The following TIAM2 variants were observed in gnomAD, a reference collection of about 807,000 sequenced individuals.
TIAM2 encodes TIAM Rac1 associated GEF 2, also known as rho guanine nucleotide exchange factor TIAM2.
TIAM2 carries 80 observed loss-of-function variants against 152.9 expected under a neutral mutation model. The observed-to-expected ratio is 0.52, with a 90% CI of 0.44 to 0.63. The LOEUF is 0.63. Among genes scored for constraint, TIAM2 ranks in the 30% least tolerant of loss-of-function variants. The probability of loss-of-function intolerance (pLI) is 0.00; values close to 1 mark genes in which losing one functional copy is unlikely to be tolerated. For missense variants in TIAM2, 1,965 were observed against 2,120.1 expected (o/e 0.93, Z 1.44); for synonymous variants, 804 against 838.0 (o/e 0.96, Z 0.70).
At position 155,254,076 on chromosome 6, in the gene TIAM2, A is replaced by G. The variant is rs759203725; in HGVS notation, c.4313+16A>G. On this transcript the variant is annotated intron_variant, in intron 25 of 26. Coordinates refer to ENST00000682666, the MANE Select transcript of TIAM2 (RefSeq NM_012454.4). The stretch of plus-strand genomic sequence containing the variant: ...TGTGTTGCAGGTATGACTGACTTCC[A>G]AAGATTAAAACCAACAGAAATAACA... 29 of 1,608,702 alleles carry G rather than the reference A, an allele frequency of 1.8e-5. No individual in the cohort carries two copies. Among genetic ancestry groups the G allele is most frequent in the Non-Finnish European group, 1.8e-5 (21 of 1,176,646 alleles).
rs1004519920 is a variant in TIAM2, at chr6:155,176,961, T to A, written c.2507T>A (p.Leu836Ter). 1.1e-5 allele frequency: 18 copies of A among 1,606,886 alleles called. No homozygotes were observed. The highest frequency in any genetic ancestry group is 1.5e-5 in the Non-Finnish European group (18 of 1,177,968). The change falls in exon 10 of 27, where the codon TTG becomes TAG. Residue 836 changes from leucine (L) to a stop codon, truncating the protein, a stop_gained. Coordinates refer to ENST00000682666, the MANE Select transcript of TIAM2 (RefSeq NM_012454.4). LOFTEE classifies it high-confidence loss of function. Reference protein sequence around the residue: ...IKPEHRVEDILTLACKMRQLE... With the variant: ...IKPEHRVEDI The stretch of plus-strand genomic sequence containing the variant: ...CCAGAGCACAGAGTAGAAGATATTT[T>A]GACTTTGGCATGCAAGGTAACGGAT...
chr6:155,113,501 A>G (rs1395127477), intron 2 of TIAM2, among the ~76,000 whole-genome samples: 1 of 152,120 alleles, frequency 6.6e-6, no homozygotes, highest in East Asian at 1.9e-4. Context: ...CCGGCAGATC[A>G]CTTGAGGTCA....
Position 155,129,775 on chromosome 6 carries a change from C to T in TIAM2, c.552C>T (p.Ser184=), listed in dbSNP as rs771685691. 8.1e-6 allele frequency: 13 copies of T among 1,613,774 alleles called. No individual in the cohort carries two copies. The South Asian group carries it at 1.4e-4, about 18-fold the overall frequency. Residue 184 remains serine (S), a synonymous_variant, in exon 4 of 27, where the codon AGC becomes AGT. Transcript: ENST00000682666. This position sits in a 1 kb window ranked among gnomAD's most constrained non-coding sequence, Gnocchi z 4.8. ...AGTTCCACAATGGTGGCAACCCCAG[C>T]AAAGTGCCTGCAGAGGACTGCAGTG... ...RVEFHNGGNP[S]KVPAEDCSEP... is the part of the protein sequence containing the mutation.
intron 1 of TIAM2, among the ~76,000 whole-genome samples, chr6:155,039,133 A>AT (rs1293501050): frequency 6.0e-5 from 9 of 150,574 alleles, no homozygotes; most frequent in East Asian, 2.0e-4. Context: ...GCTAACTTTC[A>AT]TTTTTTTGTG....
chr6:155,025,147 C>T (rs1023011217), intron 1 of TIAM2, among the ~76,000 whole-genome samples: 1 of 150,492 alleles, frequency 6.6e-6, no homozygotes, highest in Non-Finnish European at 1.5e-5. Context: ...CCGCCTCAGT[C>T]TCCTGAGTAG....
At chr6:155,244,560 A>G in intron 17 of TIAM2, 98 bp from the exon 18 acceptor site, 1 of 1,419,910 alleles carries the variant, frequency 7.0e-7, no homozygotes, top group Non-Finnish European at 9.6e-7. Context: ...CTTTTCCGTG[A>G]AGAATTTCCT....
chr6:155,111,081 T>A (rs547382625), intron 2 of TIAM2, among the ~76,000 whole-genome samples: 230 of 152,186 alleles, frequency 1.5e-3, no homozygotes, highest in African/African-American at 5.2e-3. Context: ...AGAATCCATA[T>A]GATTAAAGGC....
chr6:155,171,254 T>A (rs1780580144), intron 9 of TIAM2, among the ~76,000 whole-genome samples: 1 of 152,336 alleles, frequency 6.6e-6, no homozygotes, highest in African/African-American at 2.4e-5. Context: ...CCAGTCTTAC[T>A]TGAACATTTT....
At chr6:155,252,691 C>T (rs916751083) in intron 23 of TIAM2, among the ~76,000 whole-genome samples, 8 of 152,192 alleles carry the variant, frequency 5.3e-5, no homozygotes, top group East Asian at 1.9e-4. Context: ...AGCGTCAGGG[C>T]GTGGAAGCTT....
chr6:155,065,504 G>A (rs542765555), intron 1 of TIAM2, among the ~76,000 whole-genome samples: 11 of 151,840 alleles, frequency 7.2e-5, no homozygotes, highest in Non-Finnish European at 1.6e-4. Context: ...TAGGTCCAGC[G>A]CAGTGGCTCA....
At chr6:155,182,606 A>G (rs1016930992) in intron 13 of TIAM2, among the ~76,000 whole-genome samples, 3 of 152,154 alleles carry the variant, frequency 2.0e-5, no homozygotes, top group Non-Finnish European at 4.4e-5. Context: ...GTAAAAAAGG[A>G]CAGAGAGAGA....
Position 155,129,173 on chromosome 6 carries a change from G to A in TIAM2, c.-6-45G>A, listed in dbSNP as rs1779372219. 2 of 1,552,076 alleles carry A rather than the reference G, an allele frequency of 1.3e-6. No homozygotes were observed. Among genetic ancestry groups the A allele is most frequent in the East Asian group, 2.3e-5 (1 of 44,282 alleles). On this transcript the variant is annotated intron_variant, in intron 3 of 26. Coordinates refer to ENST00000682666, the MANE Select transcript of TIAM2 (RefSeq NM_012454.4). The surrounding 1 kb of genome is among the most constrained non-coding windows in gnomAD (Gnocchi z 4.8). ...TTAGAAAGTTCTGTCATAATGGAATGTAATTTAGGCCACGGTCTTACTGAT... is the reference window on the plus strand; with the variant it reads ...TTAGAAAGTTCTGTCATAATGGAATATAATTTAGGCCACGGTCTTACTGAT...
In TIAM2 at chr6:155,176,947, A is replaced by T; in HGVS notation, c.2493A>T (p.Arg831Ser). 6.2e-7 allele frequency: 1 copy of T among 1,609,766 alleles called. No individual in the cohort carries two copies. Among genetic ancestry groups the T allele is most frequent in the Non-Finnish European group, 8.5e-7 (1 of 1,178,868 alleles). The stretch of plus-strand genomic sequence containing the variant: ...CTGTAGGGATCAAGCCAGAGCACAG[A>T]GTAGAAGATATTTTGACTTTGGCAT... ...GVTVGIKPEH[R>S]VEDILTLACK... Residue 831 changes from arginine to serine, a missense_variant, in exon 10 of 27, where the codon AGA becomes AGT. This residue lies in a region of TIAM2 where 1,025 missense variants were observed against 1,119.4 expected (regional missense o/e 0.92). Transcript: ENST00000682666.
In TIAM2 at chr6:155,127,576, C is replaced by G. The variant is rs1195014983; in HGVS notation, c.-31C>G. On this transcript the variant is annotated 5_prime_UTR_variant, in exon 3 of 27. Transcript: ENST00000682666. ...GTAAAGCCTACTGACCACTAACCTC[C>G]CTCACAGCAGAAACTAGACGTCAGG... 2.2e-6 allele frequency: 1 copy of G among 455,902 alleles called. No homozygotes were observed. Among genetic ancestry groups the G allele is most frequent in the Non-Finnish European group, 4.4e-6 (1 of 226,800 alleles). The allele number at this position is 455,902 out of a possible 1,614,324, so 28.2% of individuals were successfully genotyped here.
chr6:155,208,258 C>G (rs1220904082), intron 14 of TIAM2, among the ~76,000 whole-genome samples: 1 of 152,202 alleles, frequency 6.6e-6, no homozygotes, highest in Non-Finnish European at 1.5e-5. Flanking sequence ...CTAGGTAATG[C>G]ACTTTTACAT....
intron 2 of TIAM2, among the ~76,000 whole-genome samples, chr6:155,113,960 A>T (rs1778925279): frequency 6.9e-6 from 1 of 144,884 alleles, no homozygotes; most frequent in Non-Finnish European, 1.5e-5. Flanking sequence ...GTAAATGCTA[A>T]ATATCGTTGA....
At chr6:155,037,816 C>T (rs1776950945) in intron 1 of TIAM2, among the ~76,000 whole-genome samples, 1 of 152,164 alleles carries the variant, frequency 6.6e-6, no homozygotes, top group Non-Finnish European at 1.5e-5. Flanking sequence ...AGGTGTGAGC[C>T]ACCGCGTCCA....
At chr6:155,193,920 G>T (rs1781269079) in intron 14 of TIAM2, among the ~76,000 whole-genome samples, 1 of 152,206 alleles carries the variant, frequency 6.6e-6, no homozygotes, top group Non-Finnish European at 1.5e-5. Flanking sequence ...AGAGCAAAAG[G>T]CAAATGACAT....
Position 155,028,779 on chromosome 6 carries a change from C to T in TIAM2, c.-209+33287C>T, listed in dbSNP as rs1043009837. Among the ~76,000 whole-genome samples, 20 of 117,230 alleles carry T rather than the reference C, an allele frequency of 1.7e-4. 1 individual carries two copies. Among genetic ancestry groups the T allele is most frequent in the African/African-American group, 7.2e-4 (19 of 26,330 alleles). 76.9% of individuals were successfully genotyped at this position (117,230 alleles called of 152,430 possible). On this transcript the variant is annotated intron_variant, in intron 1 of 26. Coordinates refer to ENST00000682666, the MANE Select transcript of TIAM2 (RefSeq NM_012454.4). ...AATATATATACTGTGTTATATACTA[C>T]ATGTAATATATATACTGTGTTATAT...
Sources: allele counts gnomAD v4.1 joint callset (sites outside exome capture counted in the v4.1 genomes callset), GRCh38; gene constraint gnomAD v4.1.1; regional missense constraint gnomAD v4.1.1; non-coding constraint Gnocchi (gnomAD v3.1); transcripts MANE v1.5; gene names NCBI Gene and HGNC (gene_info 2026-07-23, HGNC 2026-07-21).